CDK19: variants seen among roughly 807,000 people sequenced by gnomAD.
The protein encoded by CDK19 is cyclin dependent kinase 19, also known as cyclin-dependent kinase 19.
Under a neutral mutation model 68.3 loss-of-function variants are expected in CDK19, and 20 were observed. The observed-to-expected ratio is 0.29, with a 90% CI of 0.21 to 0.43. The LOEUF is 0.43. Among genes scored for constraint, CDK19 ranks in the 20% least tolerant of loss-of-function variants. The pLI is 1.00. For missense variants in CDK19, 339 were observed against 623.5 expected, an observed-to-expected ratio of 0.54 and a Z score of 4.86; for synonymous variants, 221 against 222.8, an observed-to-expected ratio of 0.99 and a Z score of 0.07.
intron 1 of CDK19, among the ~76,000 whole-genome samples, chr6:110,754,789 T>C (rs1165426728): frequency 6.6e-6 from 1 of 152,146 alleles, no homozygotes; most frequent in African/African-American, 2.4e-5. Flanking sequence ...CTAAACTAAA[T>C]TTTTTATAGA....
chr6:110,694,217 CACCA>C (rs543617931), intron 2 of CDK19, among the ~76,000 whole-genome samples: 3 of 152,116 alleles, frequency 2.0e-5, no homozygotes, highest in Non-Finnish European at 2.9e-5. Flanking sequence ...CATAAAAACC[CACCA>C]ACCAAGTATC....
At chr6:110,755,188 G>A (rs1778753629) in intron 1 of CDK19, among the ~76,000 whole-genome samples, 1 of 151,958 alleles carries the variant, frequency 6.6e-6, no homozygotes, top group Non-Finnish European at 1.5e-5. Flanking sequence ...CTACAGGCAT[G>A]CACCACCATG....
chr6:110,688,249 G>C (rs1582866824), intron 2 of CDK19, among the ~76,000 whole-genome samples: 1 of 151,938 alleles, frequency 6.6e-6, no homozygotes, highest in South Asian at 2.1e-4. Context: ...AGCCAGGCAT[G>C]AATCACCTGA....
chr6:110,763,077 G>A (rs1044672526), intron 1 of CDK19, among the ~76,000 whole-genome samples: 1 of 152,298 alleles, frequency 6.6e-6, no homozygotes, highest in South Asian at 2.1e-4. Flanking sequence ...ACAATATACT[G>A]AGGTATAGTC....
intron 7 of CDK19, 39 bp from the exon 8 acceptor site, chr6:110,626,884 G>T: frequency 1.4e-6 from 2 of 1,399,690 alleles, no homozygotes; most frequent in Non-Finnish European, 9.8e-7. Flanking sequence ...AAAATAATGT[G>T]TTAATTTAAA....
At chr6:110,752,430 T>G (rs1173601942) in intron 1 of CDK19, among the ~76,000 whole-genome samples, 1 of 152,228 alleles carries the variant, frequency 6.6e-6, no homozygotes, top group Non-Finnish European at 1.5e-5. Flanking sequence ...AAAGTAATTC[T>G]GAAACATTTA....
At chr6:110,623,412 A>C (rs759037158) in intron 8 of CDK19, 50 bp from the exon 9 acceptor site, 1 of 1,585,072 alleles carries the variant, frequency 6.3e-7, no homozygotes, top group Non-Finnish European at 8.6e-7. Context: ...CATCCAATTG[A>C]TATTTCTTAA....
chr6:110,804,889 G>C (rs987688544), intron 1 of CDK19, among the ~76,000 whole-genome samples: 4 of 151,598 alleles, frequency 2.6e-5, no homozygotes, highest in Non-Finnish European at 4.4e-5. Context: ...CCAGGAGGCG[G>C]AGCTTGCAGT....
chr6:110,795,500 T>C (rs1055848770), intron 1 of CDK19, among the ~76,000 whole-genome samples: 22 of 152,208 alleles, frequency 1.4e-4, no homozygotes, highest in African/African-American at 4.6e-4. Flanking sequence ...AACTGTCAAA[T>C]TGTGATAAAG....
At chr6:110,725,704 C>T (rs1216876802) in intron 2 of CDK19, among the ~76,000 whole-genome samples, 1 of 151,998 alleles carries the variant, frequency 6.6e-6, no homozygotes, top group African/African-American at 2.4e-5. Flanking sequence ...ACAATAAGCA[C>T]CTTTAAATAG....
chr6:110,798,044 G>A (rs1023169014), intron 1 of CDK19, among the ~76,000 whole-genome samples: 2 of 151,152 alleles, frequency 1.3e-5, no homozygotes, highest in African/African-American at 4.9e-5. Context: ...TTGGATGTGT[G>A]CATTAATTCA....
intron 2 of CDK19, among the ~76,000 whole-genome samples, chr6:110,684,515 G>T (rs1211986612): frequency 2.0e-5 from 3 of 152,008 alleles, no homozygotes; most frequent in African/African-American, 7.2e-5. Context: ...TGGCTTAAAA[G>T]AAAAAAGTAT....
intron 1 of CDK19, among the ~76,000 whole-genome samples, chr6:110,787,724 T>C (rs1781329343): frequency 6.6e-6 from 1 of 152,198 alleles, no homozygotes; most frequent in South Asian, 2.1e-4. Context: ...TTTATAGGCG[T>C]AAGCCATGAC....
At position 110,815,469 on chromosome 6, in the gene CDK19, T is replaced by G. The variant is rs573700099; in HGVS notation, c.-333A>C. 6.1e-5 allele frequency: 12 copies of G among 197,898 alleles called. No homozygotes were observed. The South Asian group carries it at 1.7e-3, about 29-fold the overall frequency. 12.3% of individuals were successfully genotyped at this position (197,898 alleles called of 1,614,324 possible). The stretch of plus-strand genomic sequence containing the variant: ...TCCTCGAGCTCATTAGCGAACTCAC[T>G]GGCCCGCCCCATGGTCGCGGAGGCT... On this transcript the variant is annotated 5_prime_UTR_variant, in exon 1 of 13. Coordinates refer to ENST00000368911, the MANE Select transcript of CDK19 (RefSeq NM_015076.5).
chr6:110,634,359 G>A (rs1779626017), intron 5 of CDK19, among the ~76,000 whole-genome samples: 2 of 152,062 alleles, frequency 1.3e-5, no homozygotes, highest in Non-Finnish European at 1.5e-5. Context: ...TGGGATTACA[G>A]GTGCGCCACC....
intron 1 of CDK19, among the ~76,000 whole-genome samples, chr6:110,812,279 C>G (rs754337158): frequency 6.6e-6 from 1 of 152,034 alleles, no homozygotes; most frequent in Non-Finnish European, 1.5e-5. Flanking sequence ...CGCCACCATG[C>G]CCGGCTAATT....
chr6:110,675,994 G>A (rs982709479), intron 2 of CDK19, among the ~76,000 whole-genome samples: 7 of 152,064 alleles, frequency 4.6e-5, no homozygotes, highest in Non-Finnish European at 8.8e-5. Flanking sequence ...GTGATTTCTC[G>A]GATGGATCTG....
intron 1 of CDK19, among the ~76,000 whole-genome samples, chr6:110,805,451 C>G (rs1250616926): frequency 6.6e-6 from 1 of 151,698 alleles, no homozygotes; most frequent in East Asian, 1.9e-4. Flanking sequence ...ATATTGTCAT[C>G]TAACCCTGCA....
intron 2 of CDK19, among the ~76,000 whole-genome samples, chr6:110,671,340 T>C (rs1057507525): frequency 6.6e-6 from 1 of 152,140 alleles, no homozygotes; most frequent in Non-Finnish European, 1.5e-5. Flanking sequence ...GAAATATGCC[T>C]CCCTCAGGCT....
Sources: allele counts gnomAD v4.1 joint callset (sites outside exome capture counted in the v4.1 genomes callset), GRCh38; gene constraint gnomAD v4.1.1; transcripts MANE v1.5; gene names NCBI Gene and HGNC (gene_info 2026-07-23, HGNC 2026-07-21).